The following TBC1D5 variants were observed in gnomAD, a reference collection of about 807,000 sequenced individuals.
TBC1D5 encodes the protein TBC1 domain family member 5, also known as TBC1 domain family, member 5.
In TBC1D5, 75 loss-of-function variants were observed where a neutral mutation model predicts 100.3. That is an observed-to-expected ratio of 0.75 (90% CI 0.62 to 0.91). The LOEUF is 0.91. Among genes scored for constraint, TBC1D5 ranks in the 40% least tolerant of loss-of-function variants. TBC1D5 has a pLI of 0.00. For synonymous variants in TBC1D5, 323 were observed against 325.6 expected, an observed-to-expected ratio of 0.99 and a Z score of 0.09; for missense variants, 910 against 942.4, an observed-to-expected ratio of 0.97 and a Z score of 0.45.
intron 14 of TBC1D5, among the ~76,000 whole-genome samples, chr3:17,304,260 C>CA (rs2083170277): frequency 6.6e-6 from 1 of 151,956 alleles, no homozygotes; most frequent in African/African-American, 2.4e-5. Flanking sequence ...TGCCCTGGGC[C>CA]CAATTCTAGA....
intron 2 of TBC1D5, among the ~76,000 whole-genome samples, chr3:17,543,588 T>C (rs964336466): frequency 1.3e-5 from 2 of 152,100 alleles, no homozygotes; most frequent in Non-Finnish European, 2.9e-5. Context: ...CAGTGAGTCA[T>C]GCTTGTGCCA....
At chr3:17,616,081 C>T (rs756976531) in intron 2 of TBC1D5, among the ~76,000 whole-genome samples, 13 of 152,216 alleles carry the variant, frequency 8.5e-5, no homozygotes, top group East Asian at 1.9e-4. Flanking sequence ...GATTCTGGTA[C>T]GTTGTGTCTT....
At chr3:17,603,688 C>T (rs570987181) in intron 2 of TBC1D5, among the ~76,000 whole-genome samples, 4 of 152,224 alleles carry the variant, frequency 2.6e-5, no homozygotes, top group African/African-American at 9.6e-5. Flanking sequence ...GGTGGAGGGA[C>T]CAAGTCTTGC....
chr3:17,368,913 C>T (rs1405640441), intron 13 of TBC1D5, among the ~76,000 whole-genome samples: 1 of 151,990 alleles, frequency 6.6e-6, no homozygotes, highest in Non-Finnish European at 1.5e-5. Context: ...TTTACTCAAA[C>T]CACTGTCTAT....
intron 4 of TBC1D5, among the ~76,000 whole-genome samples, chr3:17,423,734 C>T (rs911478501): frequency 2.6e-5 from 4 of 152,032 alleles, no homozygotes; most frequent in Admixed American, 2.6e-4. Context: ...TGATTTACTA[C>T]AGTTTATATA....
chr3:17,375,713 A>G (rs764518941), intron 10 of TBC1D5, among the ~76,000 whole-genome samples: 2 of 152,146 alleles, frequency 1.3e-5, no homozygotes, highest in Admixed American at 6.6e-5. Flanking sequence ...CTTCAAGGAA[A>G]CTTGAAAATA....
chr3:17,190,156 T>C (rs1004311345), intron 18 of TBC1D5, among the ~76,000 whole-genome samples: 6 of 152,204 alleles, frequency 3.9e-5, no homozygotes, highest in African/African-American at 1.2e-4. Flanking sequence ...TATTCATTCA[T>C]ATATTAATTT....
At chr3:17,592,739 G>C (rs2060311259) in intron 2 of TBC1D5, among the ~76,000 whole-genome samples, 1 of 152,216 alleles carries the variant, frequency 6.6e-6, no homozygotes, top group African/African-American at 2.4e-5. Flanking sequence ...GGTGTCAGTG[G>C]CAGATAGAGA....
At chr3:17,551,315 C>T (rs1287809069) in intron 2 of TBC1D5, among the ~76,000 whole-genome samples, 1 of 152,076 alleles carries the variant, frequency 6.6e-6, no homozygotes, top group Non-Finnish European at 1.5e-5. Context: ...GCAGAGACCA[C>T]CTGAATAGAA....
At chr3:17,542,649 T>C (rs2096369866) in intron 2 of TBC1D5, among the ~76,000 whole-genome samples, 1 of 152,238 alleles carries the variant, frequency 6.6e-6, no homozygotes, top group African/African-American at 2.4e-5. Context: ...TCTTAGTTTA[T>C]TGAGAGTTTT....
At chr3:17,580,339 A>G (rs2096685760) in intron 2 of TBC1D5, among the ~76,000 whole-genome samples, 1 of 152,148 alleles carries the variant, frequency 6.6e-6, no homozygotes, top group Non-Finnish European at 1.5e-5. Context: ...ATACATTTAC[A>G]TTGTTAAAGA....
chr3:17,413,100 T>C (rs2093980077), intron 4 of TBC1D5, among the ~76,000 whole-genome samples: 1 of 152,164 alleles, frequency 6.6e-6, no homozygotes. Context: ...CCTTGAAGAT[T>C]TCCTTAACAA....
At chr3:17,634,227 T>C (rs1369028352) in intron 1 of TBC1D5, among the ~76,000 whole-genome samples, 2 of 152,198 alleles carry the variant, frequency 1.3e-5, no homozygotes, top group East Asian at 1.9e-4. Context: ...GCTGGGTATA[T>C]GCCCAAAAGA....
At chr3:17,535,210 T>C (rs1172904167) in intron 2 of TBC1D5, among the ~76,000 whole-genome samples, 4 of 152,178 alleles carry the variant, frequency 2.6e-5, no homozygotes, top group Non-Finnish European at 5.9e-5. Flanking sequence ...TATCAGAAAT[T>C]AAACACAGAG....
intron 2 of TBC1D5, among the ~76,000 whole-genome samples, chr3:17,610,631 A>G (rs1577005150): frequency 6.6e-6 from 1 of 152,348 alleles, no homozygotes; most frequent in East Asian, 1.9e-4. Context: ...TCTTACTTGT[A>G]TGTCTCTATG....
At chr3:17,550,298 G>A (rs933997788) in intron 2 of TBC1D5, among the ~76,000 whole-genome samples, 14 of 152,036 alleles carry the variant, frequency 9.2e-5, no homozygotes, top group Middle Eastern at 3.4e-3. Flanking sequence ...GGTTAAAAGC[G>A]GGCCATTTAA....
At chr3:17,174,421 G>GT (rs1346487825) in intron 19 of TBC1D5, among the ~76,000 whole-genome samples, 2 of 152,122 alleles carry the variant, frequency 1.3e-5, no homozygotes, top group African/African-American at 4.8e-5. Flanking sequence ...GGAGACCCTG[G>GT]TTTTCTTCAA....
chr3:17,342,791 T>C (rs1249341351), intron 13 of TBC1D5, among the ~76,000 whole-genome samples: 3 of 152,222 alleles, frequency 2.0e-5, no homozygotes, highest in Admixed American at 6.5e-5. Context: ...AATATGACCA[T>C]AACACGCATA....
intron 15 of TBC1D5, among the ~76,000 whole-genome samples, chr3:17,291,499 T>C (rs1013748656): frequency 6.6e-6 from 1 of 152,220 alleles, no homozygotes. Flanking sequence ...GTCCTTTGTA[T>C]AAAGCTACTT....
Sources: allele counts gnomAD v4.1 joint callset (sites outside exome capture counted in the v4.1 genomes callset), GRCh38; gene constraint gnomAD v4.1.1; transcripts MANE v1.5; gene names NCBI Gene and HGNC (gene_info 2026-07-23, HGNC 2026-07-21).